Variants in TMEM260 observed in about 807,000 individuals in gnomAD.
The protein encoded by TMEM260 is transmembrane protein 260.
TMEM260 carries 82 observed loss-of-function variants against 88.9 expected under a neutral mutation model. The ratio of observed to expected loss-of-function variants is 0.92; its 90% confidence interval spans 0.77 to 1.11. The LOEUF is 1.11. TMEM260 is among the 50% of genes least tolerant of loss of function. The pLI, the probability that TMEM260 is intolerant of heterozygous loss-of-function variation, is 0.00. For synonymous variants in TMEM260, 314 were observed against 309.3 expected (o/e 1.02, Z -0.16); for missense variants, 902 against 853.4 (o/e 1.06, Z -0.71).
At chr14:56,602,762 A>T (rs1341015810) in intron 3 of TMEM260, among the ~76,000 whole-genome samples, 1 of 152,134 alleles carries the variant, frequency 6.6e-6, no homozygotes, top group East Asian at 1.9e-4. Flanking sequence ...AATTGCAAAC[A>T]GAAAATCAAA....
At position 56,596,784 on chromosome 14, in the gene TMEM260, T is replaced by TTAAAA. The variant is rs1555334842; in HGVS notation, c.345-7031_345-7030insTAAAA. ...CTCTGTCTCAAAAAAAAAAAAAAAT[T>TTAAAA]AAAAAAAAAAATATATATATATACA... On this transcript the variant is annotated intron_variant, in intron 3 of 15. Coordinates refer to ENST00000261556, the MANE Select transcript of TMEM260 (RefSeq NM_017799.4). Among the ~76,000 whole-genome samples the TTAAAA allele has an allele frequency of 2.2e-4, 25 of 114,276 alleles. 1 individual carries two copies. The highest frequency in any genetic ancestry group is 1.4e-3 in the East Asian group (6 of 4,304). The allele number at this position is 114,276 out of a possible 152,430, so 75.0% of individuals were successfully genotyped here. A position where few individuals can be genotyped will look rare whatever the true frequency, so the allele number is the denominator to read the frequency against.
rs189986644 is a variant in TMEM260 at position 56,642,188 on chromosome 14, A to C, written c.1870-5055A>C. The stretch of plus-strand genomic sequence containing the variant: ...AGAGATCTACAGAACTCTCCACCCC[A>C]AATCAACAGAATATACATTCTTCTC... On this transcript the variant is annotated intron_variant, in intron 15 of 15. Transcript: ENST00000261556. Among the ~76,000 whole-genome samples the C allele has an allele frequency of 2.3e-3, 347 of 152,336 alleles. 3 individuals are homozygous for C. Among genetic ancestry groups the C allele is most frequent in the African/African-American group, 8.0e-3 (333 of 41,554 alleles).
chr14:56,612,318 T>G (rs1887334013), intron 7 of TMEM260, 33 bp downstream of exon 7: 2 of 1,559,654 alleles, frequency 1.3e-6, no homozygotes, highest in African/African-American at 2.7e-5. Context: ...TACTTTAAAA[T>G]GAATTCTCTA....
At chr14:56,628,747 A>G (rs1293305018) in intron 12 of TMEM260, among the ~76,000 whole-genome samples, 2 of 152,106 alleles carry the variant, frequency 1.3e-5, no homozygotes, top group Non-Finnish European at 2.9e-5. Context: ...GGTGTTTTAT[A>G]GACAGCATAT....
chr14:56,615,843 G>T, intron 7 of TMEM260, 101 bp from the exon 8 acceptor site: 1 of 783,682 alleles, frequency 1.3e-6, no homozygotes, highest in South Asian at 2.0e-5. Context: ...CAGCCCTTGT[G>T]ATTGTTCAGT....
At chr14:56,637,445 G>A (rs1382001263) in intron 15 of TMEM260, among the ~76,000 whole-genome samples, 2 of 152,140 alleles carry the variant, frequency 1.3e-5, no homozygotes, top group African/African-American at 2.4e-5. Flanking sequence ...TGCACAAATC[G>A]GTCCTTTCTG....
chr14:56,658,564 A>G, the TMEM260 span, among the ~76,000 whole-genome samples: 14,903 of 151,944 alleles, frequency 0.098, 1,233 homozygotes, highest in African/African-American at 0.21. Flanking sequence ...AACATTTCAC[A>G]AATCCAAATT....
chr14:56,650,081 T>C (rs10149189), downstream of TMEM260: 1 of 454,984 alleles, frequency 2.2e-6, no homozygotes, highest in African/African-American at 2.0e-5. Flanking sequence ...GTGTACAGAC[T>C]CCATAAAATC....
In TMEM260 at chr14:56,580,050, C is replaced by A. The variant is rs201059587; in HGVS notation, c.136C>A (p.Pro46Thr). The change falls in exon 1 of 16, where the codon CCT becomes ACT. Residue 46 changes from proline (P) to threonine (T), a missense_variant. Pro to Thr is a conservative substitution (Grantham distance 38, BLOSUM62 -1). Transcript: ENST00000261556. ...VAAVFTFTLP[P>T]SVPGGDSGEL... ...CGCAGTGTTCACCTTCACCCTGCCC[C>A]CTTCGGTACCGGGGGGAGACTCCGG... 291 of 1,251,934 alleles carry A rather than the reference C, an allele frequency of 2.3e-4. 1 individual carries two copies. In the East Asian group the frequency reaches 7.4e-3, roughly 32 times the overall value. The allele number at this position is 1,251,934 out of a possible 1,614,324, so 77.6% of individuals were successfully genotyped here.
At chr14:56,643,528 C>G (rs1889752931) in intron 15 of TMEM260, among the ~76,000 whole-genome samples, 1 of 152,004 alleles carries the variant, frequency 6.6e-6, no homozygotes, top group Admixed American at 6.6e-5. Flanking sequence ...TAAGAGCTAT[C>G]TATGACAAAC....
At chr14:56,588,182 A>G (rs1885629347) in intron 3 of TMEM260, among the ~76,000 whole-genome samples, 1 of 152,072 alleles carries the variant, frequency 6.6e-6, no homozygotes, top group Non-Finnish European at 1.5e-5. Flanking sequence ...TGATCCAGGA[A>G]ACAGTTTTAT....
intron 15 of TMEM260, among the ~76,000 whole-genome samples, chr14:56,645,780 T>C (rs1370353804): frequency 6.6e-6 from 1 of 152,182 alleles, no homozygotes; most frequent in Admixed American, 6.5e-5. Context: ...CTACAGCCTT[T>C]ACACCCGTGT....
At position 56,584,998 on chromosome 14, in the gene TMEM260, C is replaced by T; in HGVS notation, c.161-3C>T. 2 of 1,610,756 alleles carry T rather than the reference C, an allele frequency of 1.2e-6. No homozygotes were observed. Among genetic ancestry groups the T allele is most frequent in the Non-Finnish European group, 1.7e-6 (2 of 1,178,420 alleles). On this transcript the variant is annotated splice_polypyrimidine_tract_variant and splice_region_variant and intron_variant, in intron 1 of 15. Transcript: ENST00000261556. ...TTATTGGTTTTACATTATTTTTTCA[C>T]AGGGGAACTGATCACAGCCGCACAT...
At chr14:56,646,302 C>G (rs1270996333) in intron 15 of TMEM260, among the ~76,000 whole-genome samples, 2 of 152,170 alleles carry the variant, frequency 1.3e-5, no homozygotes, top group Non-Finnish European at 2.9e-5. Flanking sequence ...TTTCTTTTAA[C>G]TAAATTATGT....
downstream of TMEM260, among the ~76,000 whole-genome samples, chr14:56,654,765 G>C (rs1418544341): frequency 8.4e-6 from 1 of 119,302 alleles, no homozygotes. Flanking sequence ...AGTGAGCCAA[G>C]ATCGCGCCAT....
At chr14:56,636,413 ATCCCTTATCAGTGGAGAAGC>A (rs1404612834) in intron 14 of TMEM260, 75 bp from the exon 15 acceptor site, 1 of 908,848 alleles carries the variant, frequency 1.1e-6, no homozygotes, top group African/African-American at 1.7e-5. Context: ...GATTTTGTAC[ATCCCTTATCAGTGGAGAAGC>A]CTGGAAGATT....
intron 3 of TMEM260, among the ~76,000 whole-genome samples, chr14:56,597,075 T>G (rs1403590456): frequency 6.6e-6 from 1 of 152,170 alleles, no homozygotes; most frequent in Non-Finnish European, 1.5e-5. Context: ...AGAGAAAATA[T>G]TTCAGGGAAT....
Position 56,647,497 on chromosome 14 carries a change from A to G in TMEM260, c.2124A>G (p.Ter708TrpextTer5), listed in dbSNP as rs1011250797. 2 of 1,583,578 alleles carry G rather than the reference A, an allele frequency of 1.3e-6. No homozygotes were observed. Among genetic ancestry groups the G allele is most frequent in the African/African-American group, 1.4e-5 (1 of 73,090 alleles). The change falls in exon 16 of 16, where the codon TGA becomes TGG. Residue 708 changes from the stop codon to tryptophan, a stop_lost. Transcript: ENST00000261556. ...GTCTGAGAAATAGGAAAAATGTCTG[A>G]GACAGCAAAATATGAAAAACCTGCT... ...LQSLRNRKNV* is the reference protein window; with the variant it reads ...LQSLRNRKNVW
chr14:56,597,277 G>A (rs1886306865), intron 3 of TMEM260, among the ~76,000 whole-genome samples: 1 of 152,118 alleles, frequency 6.6e-6, no homozygotes, highest in Admixed American at 6.5e-5. Flanking sequence ...GGAGCATATT[G>A]GATTTCAGAT....
Sources: allele counts gnomAD v4.1 joint callset (sites outside exome capture counted in the v4.1 genomes callset), GRCh38; gene constraint gnomAD v4.1.1; transcripts MANE v1.5; gene names NCBI Gene and HGNC (gene_info 2026-07-23, HGNC 2026-07-21).